Variants in CSMD1 observed in about 807,000 individuals in gnomAD.
CSMD1 encodes the protein CUB and sushi domain-containing protein 1.
CSMD1 carries 213 observed loss-of-function variants against 417.5 expected under a neutral mutation model. The observed-to-expected ratio is 0.51, with a 90% CI of 0.46 to 0.57. The LOEUF (loss-of-function observed/expected upper bound fraction) is 0.57, where lower values mean the gene tolerates loss of function less well. CSMD1 is among the 20% of genes least tolerant of loss of function. The pLI, the probability that CSMD1 is intolerant of heterozygous loss-of-function variation, is 0.00. For missense variants in CSMD1, 6,923 were observed against 4,529.7 expected (o/e 1.53, Z -15.17); for synonymous variants, 2,862 against 1,736.8 (o/e 1.65, Z -16.11).
intron 2 of CSMD1, among the ~76,000 whole-genome samples, chr8:4,449,755 G>A (rs866662780): frequency 6.6e-6 from 1 of 152,098 alleles, no homozygotes; most frequent in Non-Finnish European, 1.5e-5. Flanking sequence ...AGAAACAATG[G>A]TGGCAAGCAG....
intron 2 of CSMD1, among the ~76,000 whole-genome samples, chr8:4,541,401 T>G (rs1797376406): frequency 6.6e-6 from 1 of 152,240 alleles, no homozygotes; most frequent in Non-Finnish European, 1.5e-5. Context: ...TTGTAAGCAC[T>G]GCCTTCACCT....
chr8:3,379,253 C>T (rs1026519412), intron 18 of CSMD1, among the ~76,000 whole-genome samples: 2 of 151,832 alleles, frequency 1.3e-5, no homozygotes, highest in African/African-American at 2.4e-5. Flanking sequence ...AGAGAGGACA[C>T]AAACAAATAA....
intron 5 of CSMD1, among the ~76,000 whole-genome samples, chr8:3,965,369 G>A (rs764829913): frequency 1.8e-4 from 27 of 152,156 alleles, no homozygotes; most frequent in Non-Finnish European, 3.7e-4. Flanking sequence ...AAGAGTTTGT[G>A]TGAACAAGCG....
chr8:3,777,517 T>C (rs987615294), intron 5 of CSMD1, among the ~76,000 whole-genome samples: 5 of 152,134 alleles, frequency 3.3e-5, no homozygotes, highest in African/African-American at 1.2e-4. Context: ...CTGAGCACCA[T>C]AAAATCCTAC....
intron 1 of CSMD1, among the ~76,000 whole-genome samples, chr8:4,854,364 C>T (rs1801665614): frequency 6.6e-6 from 1 of 152,146 alleles, no homozygotes; most frequent in Admixed American, 6.5e-5. Context: ...TGATTGAATT[C>T]TCAAAGGATT....
chr8:3,865,337 G>A (rs1805010747), intron 5 of CSMD1, among the ~76,000 whole-genome samples: 1 of 152,158 alleles, frequency 6.6e-6, no homozygotes, highest in Admixed American at 6.5e-5. Context: ...TGTAAACTCT[G>A]AAATGCTCTT....
chr8:3,607,340 A>G (rs1400328613), intron 8 of CSMD1, among the ~76,000 whole-genome samples: 1 of 152,194 alleles, frequency 6.6e-6, no homozygotes, highest in African/African-American at 2.4e-5. Context: ...ATACCACCTG[A>G]AGGACCTGCC....
chr8:4,588,167 T>G (rs995304109), intron 2 of CSMD1, among the ~76,000 whole-genome samples: 2 of 152,044 alleles, frequency 1.3e-5, no homozygotes, highest in Non-Finnish European at 2.9e-5. Flanking sequence ...GCTAGTAAAA[T>G]GATATCAAAC....
At chr8:4,626,160 G>A (rs1167445554) in intron 2 of CSMD1, among the ~76,000 whole-genome samples, 3 of 152,140 alleles carry the variant, frequency 2.0e-5, no homozygotes, top group African/African-American at 7.2e-5. Flanking sequence ...GCTATTTTAG[G>A]AAGTTTTCAG....
intron 1 of CSMD1, among the ~76,000 whole-genome samples, chr8:4,664,771 A>T (rs1026721361): frequency 6.6e-6 from 1 of 152,140 alleles, no homozygotes; most frequent in African/African-American, 2.4e-5. Context: ...TTATTCACAT[A>T]GTTTGGAACT....
chr8:4,183,948 G>A (rs1030969697), intron 3 of CSMD1, among the ~76,000 whole-genome samples: 6 of 152,112 alleles, frequency 3.9e-5, no homozygotes, highest in Non-Finnish European at 7.3e-5. Flanking sequence ...CCTATGAACT[G>A]CTCCTGAGAA....
intron 29 of CSMD1, among the ~76,000 whole-genome samples, chr8:3,218,565 A>C (rs1356988225): frequency 6.7e-6 from 1 of 149,584 alleles, no homozygotes; most frequent in African/African-American, 2.5e-5. Flanking sequence ...CATCTCAAAA[A>C]TAAAAAAAAA....
rs557458698 is a variant in CSMD1 at position 4,801,671 on chromosome 8, A to G, written c.86-164113T>C. On this transcript the variant is annotated intron_variant, in intron 1 of 69. Transcript: ENST00000635120. The stretch of plus-strand genomic sequence containing the variant: ...CTACACCAGTGTCCTCAGCCTGTCC[A>G]ATAATGGAGCCCTGTCCTTCTACAC... Among the ~76,000 whole-genome samples, 11 of 152,172 alleles carry G rather than the reference A, an allele frequency of 7.2e-5. 2 individuals are homozygous for G. The South Asian group carries it at 2.1e-3, about 29-fold the overall frequency.
In CSMD1 at chr8:3,772,355, T is replaced by TCA. The variant is rs1433022968; in HGVS notation, c.819-18314_819-18313insTG. ...TTTAGACATACATATATACATATAT[T>TCA]TATATATACATATATACATATATTC... is the stretch of plus-strand genomic sequence containing the variant. On this transcript the variant is annotated intron_variant, in intron 5 of 69. Transcript: ENST00000635120. Among the ~76,000 whole-genome samples the TCA allele has an allele frequency of 4.5e-4, 39 of 86,426 alleles. 5 individuals carry two copies. The highest frequency in any genetic ancestry group is 1.5e-3 in the African/African-American group (38 of 24,976). The allele number at this position is 86,426 out of a possible 152,430, so 56.7% of individuals were successfully genotyped here.
At chr8:3,757,443 A>G (rs188226579) in intron 5 of CSMD1, among the ~76,000 whole-genome samples, 1 of 152,288 alleles carries the variant, frequency 6.6e-6, no homozygotes, top group Admixed American at 6.5e-5. Context: ...TTGTGTCACA[A>G]AATAGTTACT....
At chr8:3,472,524 ACTCT>A (rs1183929420) in intron 11 of CSMD1, among the ~76,000 whole-genome samples, 4 of 151,530 alleles carry the variant, frequency 2.6e-5, no homozygotes, top group Non-Finnish European at 5.9e-5. Context: ...CCAACCATCC[ACTCT>A]CTATCTTCCT....
chr8:3,685,490 G>A (rs542309606), intron 7 of CSMD1, among the ~76,000 whole-genome samples: 1 of 152,110 alleles, frequency 6.6e-6, no homozygotes, highest in Non-Finnish European at 1.5e-5. Flanking sequence ...TGGGAGCTCA[G>A]ACTCAAATCC....
chr8:3,429,911 T>C (rs930558220), intron 12 of CSMD1, among the ~76,000 whole-genome samples: 1 of 152,216 alleles, frequency 6.6e-6, no homozygotes, highest in Non-Finnish European at 1.5e-5. Flanking sequence ...CCAGGGGCAC[T>C]GGCCACACTG....
intron 1 of CSMD1, among the ~76,000 whole-genome samples, chr8:4,811,417 C>T (rs1798899292): frequency 6.6e-6 from 1 of 151,940 alleles, no homozygotes. Context: ...TATGTTGAAT[C>T]ATATAAAATT....
Sources: gnomAD v4.1 joint callset for allele counts (sites outside exome capture counted in the v4.1 genomes callset) on GRCh38, gnomAD v4.1.1 for gene constraint, MANE v1.5 for transcripts, NCBI Gene and HGNC (gene_info 2026-07-23, HGNC 2026-07-21) for gene names.